Variants in AUTS2 observed in about 807,000 individuals in gnomAD.
The protein encoded by AUTS2 is autism susceptibility gene 2 protein.
A neutral mutation model predicts 112.4 loss-of-function variants in AUTS2; 17 were observed. The ratio of observed to expected loss-of-function variants is 0.15; its 90% CI spans 0.10 to 0.23. The LOEUF (loss-of-function observed/expected upper bound fraction) is 0.23, where lower values mean the gene tolerates loss of function less well. Ranked by LOEUF, AUTS2 falls within the 10% of genes least tolerant of loss-of-function variation. AUTS2 has a pLI of 1.00. For missense variants in AUTS2, 1,510 were observed against 1,701.6 expected (o/e 0.89, Z 1.98); for synonymous variants, 751 against 702.7 (o/e 1.07, Z -1.09).
intron 5 of AUTS2, among the ~76,000 whole-genome samples, chr7:70,448,375 T>C (rs1039450597): frequency 6.6e-6 from 1 of 152,176 alleles, no homozygotes; most frequent in Non-Finnish European, 1.5e-5. Context: ...AGAAGAGCCA[T>C]AGATAAGCAT....
chr7:70,379,909 C>G (rs1395129267), intron 4 of AUTS2, among the ~76,000 whole-genome samples: 1 of 152,144 alleles, frequency 6.6e-6, no homozygotes, highest in Non-Finnish European at 1.5e-5. Context: ...AGGCAAATAA[C>G]TGTGCTGTGT....
At chr7:69,670,700 G>C (rs867212133) in intron 1 of AUTS2, among the ~76,000 whole-genome samples, 21 of 151,158 alleles carry the variant, frequency 1.4e-4, no homozygotes, top group South Asian at 6.3e-4. Flanking sequence ...AACATAATCA[G>C]ACCCTATCTC....
At chr7:70,035,588 G>A (rs1295766325) in intron 2 of AUTS2, among the ~76,000 whole-genome samples, 1 of 152,176 alleles carries the variant, frequency 6.6e-6, no homozygotes, top group Non-Finnish European at 1.5e-5. Context: ...TTGTACTTTA[G>A]TATAAGCAGC....
At chr7:70,188,768 TTTTC>T (rs532505087) in intron 4 of AUTS2, among the ~76,000 whole-genome samples, 22 of 151,716 alleles carry the variant, frequency 1.5e-4, no homozygotes, top group African/African-American at 2.2e-4. Context: ...TCTTGTTTTC[TTTTC>T]TTTCTTTCTT....
intron 5 of AUTS2, among the ~76,000 whole-genome samples, chr7:70,693,854 C>G (rs1585518324): frequency 6.6e-6 from 1 of 152,116 alleles, no homozygotes; most frequent in East Asian, 2.0e-4. Context: ...GGAAGGCAGC[C>G]GGGGGGAGCC....
intron 1 of AUTS2, among the ~76,000 whole-genome samples, chr7:69,763,052 T>A (rs1462268825): frequency 6.6e-6 from 1 of 152,222 alleles, no homozygotes; most frequent in Non-Finnish European, 1.5e-5. Context: ...GAAACACTGG[T>A]TTTATTTTCA....
rs67558137 is a variant in AUTS2, at chr7:69,927,186, T to TTATATATATATATA, written c.522+27695_522+27708dup. ...TTGAATGGAAAATACTCCAATATAT[T>TTATATATATATATA]TATATATATATATATATATACATAC... is the stretch of plus-strand genomic sequence containing the variant. On this transcript the variant is annotated intron_variant, in intron 2 of 18. Transcript: ENST00000342771. 2.0e-3 allele frequency among the ~76,000 whole-genome samples: 283 copies of TTATATATATATATA among 142,354 alleles called. 2 individuals are homozygous for TTATATATATATATA. The highest frequency in any genetic ancestry group is 0.011 in the East Asian group (53 of 4,872). The allele number at this position is 142,354 out of a possible 152,430, so 93.4% of individuals were successfully genotyped here.
chr7:70,176,980 A>C (rs1221790126), intron 4 of AUTS2, among the ~76,000 whole-genome samples: 1 of 152,228 alleles, frequency 6.6e-6, no homozygotes, highest in Non-Finnish European at 1.5e-5. Context: ...TATATTAGCA[A>C]GTTACAGAAC....
intron 5 of AUTS2, among the ~76,000 whole-genome samples, chr7:70,554,621 G>C (rs1165107295): frequency 2.0e-5 from 3 of 152,194 alleles, no homozygotes; most frequent in Admixed American, 2.0e-4. Flanking sequence ...CTGGCCTCTC[G>C]GGAGATTTCT....
intron 4 of AUTS2, among the ~76,000 whole-genome samples, chr7:70,147,362 A>AG (rs1191298029): frequency 2.0e-5 from 3 of 152,190 alleles, no homozygotes; most frequent in Non-Finnish European, 2.9e-5. Context: ...GTTATAGATG[A>AG]GGAATATTGA....
At chr7:70,428,810 T>C (rs1010484107) in intron 4 of AUTS2, among the ~76,000 whole-genome samples, 4 of 152,184 alleles carry the variant, frequency 2.6e-5, no homozygotes, top group African/African-American at 9.7e-5. Context: ...TGCTTAAGAA[T>C]GCATTCCATC....
At chr7:69,856,558 C>A (rs565549454) in intron 1 of AUTS2, among the ~76,000 whole-genome samples, 1 of 152,166 alleles carries the variant, frequency 6.6e-6, no homozygotes, top group Non-Finnish European at 1.5e-5. Flanking sequence ...TTTGATTGGC[C>A]GTCACCTTCT....
intron 2 of AUTS2, among the ~76,000 whole-genome samples, chr7:69,974,339 C>T (rs1797972407): frequency 6.7e-6 from 1 of 149,090 alleles, no homozygotes; most frequent in African/African-American, 2.5e-5. Flanking sequence ...AGATGTTTGT[C>T]AATTTTATTG....
intron 5 of AUTS2, among the ~76,000 whole-genome samples, chr7:70,571,372 A>C (rs1801931686): frequency 6.6e-6 from 1 of 152,170 alleles, no homozygotes; most frequent in Non-Finnish European, 1.5e-5. Context: ...TGGCAAATGG[A>C]AGGAACTTGA....
intron 4 of AUTS2, among the ~76,000 whole-genome samples, chr7:70,393,860 CTT>C (rs1793973263): frequency 6.6e-6 from 1 of 152,132 alleles, no homozygotes; most frequent in Non-Finnish European, 1.5e-5. Flanking sequence ...CTCAGGCTGT[CTT>C]TTATCAAAAA....
intron 2 of AUTS2, among the ~76,000 whole-genome samples, chr7:69,932,028 C>T (rs1273302026): frequency 6.6e-6 from 1 of 152,182 alleles, no homozygotes; most frequent in Non-Finnish European, 1.5e-5. Flanking sequence ...TTTTCAGAAT[C>T]TCCCCTGAGT....
At chr7:70,691,031 A>G (rs1386368484) in intron 5 of AUTS2, among the ~76,000 whole-genome samples, 1 of 152,250 alleles carries the variant, frequency 6.6e-6, no homozygotes. Flanking sequence ...CTTTGTTTTT[A>G]AACCTAGTTT....
At chr7:69,716,230 T>TTGTG (rs1404347914) in intron 1 of AUTS2, among the ~76,000 whole-genome samples, 2 of 151,292 alleles carry the variant, frequency 1.3e-5, no homozygotes, top group Non-Finnish European at 3.0e-5. Context: ...GTGTGTGTGT[T>TTGTG]TGTGTGTGTG....
At position 70,790,279 on chromosome 7, in the gene AUTS2, G is replaced by A. The variant is rs762107025; in HGVS notation, c.3063G>A (p.Ser1021=). ...GCGTGCACCCGGGGCCCCTGGCCTC[G>A]ATGCCCATGACGGTGGGGGTGACGG... ...SSSVHPGPLA[S]MPMTVGVTGI... The change falls in exon 19 of 19, where the codon TCG becomes TCA. Residue 1021 remains serine, a synonymous_variant. Coordinates refer to ENST00000342771, the MANE Select transcript of AUTS2 (RefSeq NM_015570.4). The surrounding 1 kb of genome is among the most constrained non-coding windows in gnomAD (Gnocchi z 7.6). The A allele has an allele frequency of 6.2e-7, 1 of 1,613,174 alleles. No individual in the cohort carries two copies. Among genetic ancestry groups the A allele is most frequent in the African/African-American group, 1.3e-5 (1 of 74,934 alleles).
Sources: gnomAD v4.1 joint callset for allele counts (sites outside exome capture counted in the v4.1 genomes callset) on GRCh38, gnomAD v4.1.1 for gene constraint, Gnocchi (gnomAD v3.1) non-coding constraint, MANE v1.5 for transcripts, NCBI Gene and HGNC (gene_info 2026-07-23, HGNC 2026-07-21) for gene names.